Variants in PLCB1 observed in about 807,000 individuals in gnomAD.
PLCB1 encodes the protein phospholipase C beta 1, also known as 1-phosphatidylinositol 4,5-bisphosphate phosphodiesterase beta-1.
Under a neutral mutation model 161.8 loss-of-function variants are expected in PLCB1, and 46 were observed. That is an observed-to-expected ratio of 0.28 (90% confidence interval 0.22 to 0.36). PLCB1 has a LOEUF of 0.36. Ranked by LOEUF, PLCB1 falls within the 10% of genes least tolerant of loss-of-function variation. The pLI, the probability that PLCB1 is intolerant of heterozygous loss-of-function variation, is 1.00. For synonymous variants in PLCB1, 517 were observed against 503.7 expected (o/e 1.03, Z -0.35); for missense variants, 1,016 against 1,472.5 (o/e 0.69, Z 5.07).
intron 2 of PLCB1, among the ~76,000 whole-genome samples, chr20:8,204,612 C>T (rs1349757687): frequency 1.3e-5 from 2 of 151,984 alleles, no homozygotes; most frequent in Non-Finnish European, 2.9e-5. Flanking sequence ...CTGGCTTCCC[C>T]TTTTGCTTTC....
chr20:8,265,107 C>T (rs894546443), intron 2 of PLCB1, among the ~76,000 whole-genome samples: 1 of 152,150 alleles, frequency 6.6e-6, no homozygotes, highest in Non-Finnish European at 1.5e-5. Flanking sequence ...TGTTTAAGAT[C>T]ATCAGTTTTA....
chr20:8,219,944 G>T (rs1418470196), intron 2 of PLCB1, among the ~76,000 whole-genome samples: 1 of 152,124 alleles, frequency 6.6e-6, no homozygotes, highest in East Asian at 1.9e-4. Flanking sequence ...CTATTGACAG[G>T]TGGGGAGTCA....
rs548522137 is a variant in PLCB1 at position 8,311,230 on chromosome 20, T to C, written c.178-60152T>C. 2.0e-5 allele frequency among the ~76,000 whole-genome samples: 3 copies of C among 152,370 alleles called. No homozygotes were observed. The East Asian group carries it at 5.8e-4, about 29-fold the overall frequency. On this transcript the variant is annotated intron_variant, in intron 2 of 31. Transcript: ENST00000338037. The stretch of plus-strand genomic sequence containing the variant: ...TGTAAAAAACAATCTGTAAAAATAA[T>C]GTTCTTCATTGTAAAATCTAGAGTG...
intron 2 of PLCB1, among the ~76,000 whole-genome samples, chr20:8,210,948 C>T (rs1978790296): frequency 6.6e-6 from 1 of 152,104 alleles, no homozygotes; most frequent in South Asian, 2.1e-4. Context: ...CATTTGTCCT[C>T]CTGGGACTAT....
chr20:8,378,010 A>T (rs774755522), intron 3 of PLCB1, among the ~76,000 whole-genome samples: 1 of 152,182 alleles, frequency 6.6e-6, no homozygotes, highest in South Asian at 2.1e-4. Context: ...CAGCATTTAG[A>T]CTTTGAGGAG....
intron 16 of PLCB1, among the ~76,000 whole-genome samples, chr20:8,726,186 C>A (rs1036451776): frequency 2.0e-5 from 3 of 152,024 alleles, no homozygotes; most frequent in Non-Finnish European, 4.4e-5. Context: ...ATATAACCAC[C>A]CTGTGCTATA....
intron 31 of PLCB1, among the ~76,000 whole-genome samples, chr20:8,842,082 GA>G (rs1568621252): frequency 3.9e-5 from 6 of 152,070 alleles, no homozygotes; most frequent in African/African-American, 1.4e-4. Context: ...ACAAGGAAAT[GA>G]TGACATCAGT....
chr20:8,436,725 A>G (rs1257353878), intron 3 of PLCB1, among the ~76,000 whole-genome samples: 1 of 152,198 alleles, frequency 6.6e-6, no homozygotes, highest in African/African-American at 2.4e-5. Context: ...AGCTTTCATT[A>G]GACCAACATA....
intron 1 of PLCB1, among the ~76,000 whole-genome samples, chr20:8,135,329 C>T (rs1046993240): frequency 9.2e-5 from 14 of 152,130 alleles, no homozygotes; most frequent in African/African-American, 3.1e-4. Flanking sequence ...TCTCTTGTTC[C>T]TGAAGTGATT....
intron 2 of PLCB1, among the ~76,000 whole-genome samples, chr20:8,275,250 A>AGTGTGTGT (rs3031931): frequency 0.081 from 11,744 of 145,288 alleles, 717 homozygotes; most frequent in African/African-American, 0.17. Context: ...CATCAGCGTG[A>AGTGTGTGT]GTGTGTGTGT....
rs1600165544 is a variant in PLCB1 at position 8,577,952 on chromosome 20, T to C, written c.247-50342T>C. On this transcript the variant is annotated intron_variant, in intron 3 of 31. Coordinates refer to ENST00000338037, the MANE Select transcript of PLCB1 (RefSeq NM_015192.4). ...GTGAGCTGTGGAGCCTCCACCTTTGTAAACAAGCCTAAAAAAATTGCTTCT... is the reference window on the plus strand; with the variant it reads ...GTGAGCTGTGGAGCCTCCACCTTTGCAAACAAGCCTAAAAAAATTGCTTCT... Among the ~76,000 whole-genome samples, 3 of 152,326 alleles carry C rather than the reference T, an allele frequency of 2.0e-5. No homozygotes were observed. The East Asian group carries it at 5.8e-4, about 29-fold the overall frequency.
intron 9 of PLCB1, among the ~76,000 whole-genome samples, chr20:8,662,371 A>T (rs1347715726): frequency 3.1e-5 from 4 of 129,060 alleles, no homozygotes; most frequent in African/African-American, 1.2e-4. Flanking sequence ...TTTATTATAT[A>T]ATTATGTATA....
intron 3 of PLCB1, among the ~76,000 whole-genome samples, chr20:8,394,287 G>A (rs184670306): frequency 6.6e-6 from 1 of 152,214 alleles, no homozygotes; most frequent in Admixed American, 6.5e-5. Flanking sequence ...CTTTGTGGAA[G>A]GATTTTAAGT....
chr20:8,475,101 G>A (rs1369710032), intron 3 of PLCB1, among the ~76,000 whole-genome samples: 1 of 151,962 alleles, frequency 6.6e-6, no homozygotes, highest in Non-Finnish European at 1.5e-5. Flanking sequence ...TTTATAATGG[G>A]ATTGTATATT....
intron 2 of PLCB1, among the ~76,000 whole-genome samples, chr20:8,357,233 A>T (rs1402074402): frequency 6.6e-6 from 1 of 152,234 alleles, no homozygotes; most frequent in Non-Finnish European, 1.5e-5. Context: ...ATAACATTAC[A>T]AATTGTGGAA....
At chr20:8,372,558 G>C (rs896118077) in intron 3 of PLCB1, among the ~76,000 whole-genome samples, 3 of 152,086 alleles carry the variant, frequency 2.0e-5, no homozygotes, top group African/African-American at 4.8e-5. Context: ...ATTCAAGAAG[G>C]CTTCTATAAG....
At chr20:8,163,055 G>A (rs189415721) in intron 2 of PLCB1, among the ~76,000 whole-genome samples, 2 of 152,294 alleles carry the variant, frequency 1.3e-5, no homozygotes, top group Non-Finnish European at 2.9e-5. Context: ...TGTAGGTTGA[G>A]TTTTTCCAAC....
At chr20:8,812,700 T>A (rs1568609303) in intron 31 of PLCB1, among the ~76,000 whole-genome samples, 1 of 152,150 alleles carries the variant, frequency 6.6e-6, no homozygotes, top group Non-Finnish European at 1.5e-5. Flanking sequence ...ATTTCCTGAA[T>A]AGATTTACCC....
intron 31 of PLCB1, among the ~76,000 whole-genome samples, chr20:8,864,086 A>G (rs1248986906): frequency 6.6e-6 from 1 of 152,224 alleles, no homozygotes; most frequent in Admixed American, 6.5e-5. Context: ...TCAGTTTTCA[A>G]AAAACAATTC....
Sources: gnomAD v4.1 joint callset for allele counts (sites outside exome capture counted in the v4.1 genomes callset) on GRCh38, gnomAD v4.1.1 for gene constraint, MANE v1.5 for transcripts, NCBI Gene and HGNC (gene_info 2026-07-23, HGNC 2026-07-21) for gene names.